Variants in VPS13B observed in about 807,000 individuals in gnomAD.
VPS13B encodes vacuolar protein sorting 13 homolog B, also known as intermembrane lipid transfer protein VPS13B.
VPS13B carries 285 observed loss-of-function variants against 426.4 expected under a neutral mutation model. The observed-to-expected ratio is 0.67, with a 90% CI of 0.61 to 0.74. The LOEUF (loss-of-function observed/expected upper bound fraction) is 0.74. Ranked by LOEUF, VPS13B falls within the 30% of genes least tolerant of loss-of-function variation. The pLI is 0.00. For synonymous variants in VPS13B, 1,676 were observed against 1,676.4 expected, an observed-to-expected ratio of 1.00 and a Z score of 0.01; for missense variants, 4,537 against 4,782.6, an observed-to-expected ratio of 0.95 and a Z score of 1.51.
intron 35 of VPS13B, chr8:99,697,410 C>G: frequency 3.1e-6 from 2 of 647,698 alleles, no homozygotes; most frequent in Non-Finnish European, 5.5e-6. Flanking sequence ...GGACACTGCC[C>G]CCTGCTAGAG....
chr8:99,520,753 A>C, intron 29 of VPS13B, 146 bp from the exon 30 acceptor site: 1 of 617,590 alleles, frequency 1.6e-6, no homozygotes, highest in Admixed American at 2.7e-5. Flanking sequence ...TTTTATTTTA[A>C]ACATGATTTT....
chr8:99,639,671 A>C (rs975447585), intron 33 of VPS13B, among the ~76,000 whole-genome samples: 5 of 148,590 alleles, frequency 3.4e-5, no homozygotes, highest in Admixed American at 1.3e-4. Flanking sequence ...ATTATATATA[A>C]AAATATGTTT....
At chr8:99,285,182 C>T (rs1006983527) in intron 19 of VPS13B, among the ~76,000 whole-genome samples, 2 of 152,104 alleles carry the variant, frequency 1.3e-5, no homozygotes, top group Non-Finnish European at 2.9e-5. Flanking sequence ...TACCTAGTTT[C>T]GTTATTCTCC....
At chr8:99,229,007 G>C (rs1013650660) in intron 17 of VPS13B, among the ~76,000 whole-genome samples, 1 of 152,082 alleles carries the variant, frequency 6.6e-6, no homozygotes, top group African/African-American at 2.4e-5. Flanking sequence ...TCTGTGCGCT[G>C]TTAAAAATGG....
rs747097247 is a variant in VPS13B, at chr8:99,326,452, CTTTTTTTTTTTTTTT to C, written c.2824+51214_2824+51228del. On this transcript the variant is annotated intron_variant, in intron 19 of 61. Coordinates refer to ENST00000357162, the MANE Select transcript of VPS13B (RefSeq NM_152564.5). ...ATTTCTATCTATCATCTCTAGGTAGCTTTTTTTTTTTTTTTTTTTTTTTTTTTTTTGAGACAGAAT... is the reference window on the plus strand; with the variant it reads ...ATTTCTATCTATCATCTCTAGGTAGCTTTTTTTTTTTTTTTGAGACAGAAT... 2.2e-4 allele frequency among the ~76,000 whole-genome samples: 7 copies of C among 32,524 alleles called. 1 individual carries two copies. The highest frequency in any genetic ancestry group is 2.5e-3 in the South Asian group (1 of 396). 21.3% of individuals were successfully genotyped at this position (32,524 alleles called of 152,430 possible).
At chr8:99,561,683 A>G (rs1250746504) in intron 31 of VPS13B, among the ~76,000 whole-genome samples, 1 of 152,218 alleles carries the variant, frequency 6.6e-6, no homozygotes, top group Non-Finnish European at 1.5e-5. Flanking sequence ...AGGCTAGGTT[A>G]AGCTATGATG....
chr8:99,200,410 G>A (rs527755432), intron 17 of VPS13B, among the ~76,000 whole-genome samples: 21 of 151,836 alleles, frequency 1.4e-4, no homozygotes, highest in African/African-American at 3.9e-4. Context: ...TTTCTTTTGT[G>A]TATATATACC....
At chr8:99,050,643 C>G (rs955870030) in intron 3 of VPS13B, among the ~76,000 whole-genome samples, 2 of 152,184 alleles carry the variant, frequency 1.3e-5, no homozygotes, top group Non-Finnish European at 2.9e-5. Context: ...AGTTTACAGT[C>G]CCACCAACAG....
chr8:99,316,740 G>A (rs926478359), intron 19 of VPS13B, among the ~76,000 whole-genome samples: 11 of 152,132 alleles, frequency 7.2e-5, no homozygotes, highest in African/African-American at 2.4e-4. Flanking sequence ...GGATCTATTT[G>A]AAGAGTGATT....
chr8:99,465,234 G>A (rs1819051571), intron 23 of VPS13B, among the ~76,000 whole-genome samples: 1 of 152,068 alleles, frequency 6.6e-6, no homozygotes, highest in Non-Finnish European at 1.5e-5. Context: ...TCTGGTGTGT[G>A]TGTGTGAAAG....
chr8:99,378,477 T>A (rs1353642868), intron 19 of VPS13B, among the ~76,000 whole-genome samples: 1 of 152,174 alleles, frequency 6.6e-6, no homozygotes, highest in Non-Finnish European at 1.5e-5. Flanking sequence ...AAGACAGGCA[T>A]AGGAAATTGT....
intron 16 of VPS13B, among the ~76,000 whole-genome samples, chr8:99,192,465 T>C (rs912476761): frequency 1.3e-5 from 2 of 152,206 alleles, no homozygotes; most frequent in African/African-American, 4.8e-5. Flanking sequence ...AGTATAATGA[T>C]AGTACCTCCC....
chr8:99,522,256 T>C (rs76851021), intron 30 of VPS13B, among the ~76,000 whole-genome samples: 3,382 of 152,266 alleles, frequency 0.022, 138 homozygotes, highest in African/African-American at 0.077. Flanking sequence ...TTCAGGTGTC[T>C]TTATCTTTTC....
At chr8:99,831,058 G>A (rs1173476792) in intron 51 of VPS13B, among the ~76,000 whole-genome samples, 2 of 129,798 alleles carry the variant, frequency 1.5e-5, no homozygotes, top group Non-Finnish European at 3.3e-5. Flanking sequence ...CATCTTGCCC[G>A]GGAATTGGTG....
At chr8:99,055,276 G>A (rs1163563612) in intron 3 of VPS13B, among the ~76,000 whole-genome samples, 1 of 152,142 alleles carries the variant, frequency 6.6e-6, no homozygotes, top group African/African-American at 2.4e-5. Context: ...TGAGCTTAAA[G>A]CAATCTGCCT....
At chr8:99,326,452 C>CTTTTGTTTTTTTTTTT (rs1810269259) in intron 19 of VPS13B, among the ~76,000 whole-genome samples, 2 of 32,518 alleles carry the variant, frequency 6.2e-5, no homozygotes, top group African/African-American at 1.3e-4. Flanking sequence ...CTCTAGGTAG[C>CTTTTGTTTTTTTTTTT]TTTTTTTTTT....
chr8:99,038,343 T>A (rs1842833410), intron 2 of VPS13B, 80 bp from the exon 3 acceptor site: 1 of 1,226,538 alleles, frequency 8.2e-7, no homozygotes, highest in Non-Finnish European at 1.1e-6. Context: ...GAAATTTTAT[T>A]TTTTAAAAAA....
chr8:99,051,746 A>G (rs1843566091), intron 3 of VPS13B, among the ~76,000 whole-genome samples: 1 of 152,158 alleles, frequency 6.6e-6, no homozygotes, highest in South Asian at 2.1e-4. Flanking sequence ...GGTCCTTCAC[A>G]TCCCTTGTAA....
At chr8:99,819,787 A>T in intron 48 of VPS13B, 134 bp from the exon 49 acceptor site, 2 of 1,302,548 alleles carry the variant, frequency 1.5e-6, no homozygotes, top group Non-Finnish European at 2.1e-6. Flanking sequence ...CTGCATGCAA[A>T]TTTAGCATTG....
Sources: allele counts gnomAD v4.1 joint callset (sites outside exome capture counted in the v4.1 genomes callset), GRCh38; gene constraint gnomAD v4.1.1; transcripts MANE v1.5; gene names NCBI Gene and HGNC (gene_info 2026-07-23, HGNC 2026-07-21).